The following CHN2 variants were observed in gnomAD, a reference collection of about 807,000 sequenced individuals.
CHN2 encodes beta-chimaerin.
In CHN2, 35 loss-of-function variants were observed where a neutral mutation model predicts 56.3. That is an observed-to-expected ratio of 0.62 (90% CI 0.47 to 0.82). The LOEUF is 0.82. CHN2 is among the 40% of genes least tolerant of loss of function. The probability of loss-of-function intolerance (pLI) is 0.00; values close to 1 mark genes in which losing one functional copy is unlikely to be tolerated. For synonymous variants in CHN2, 210 were observed against 212.8 expected (o/e 0.99, Z 0.12); for missense variants, 491 against 580.5 (o/e 0.85, Z 1.58).
chr7:29,355,038 G>T (rs1168182031), intron 2 of CHN2, among the ~76,000 whole-genome samples: 1 of 151,296 alleles, frequency 6.6e-6, no homozygotes, highest in African/African-American at 2.4e-5. Context: ...GCGCAATCTT[G>T]GCTCACCGCA....
chr7:29,446,526 G>C (rs562278676), intron 6 of CHN2, among the ~76,000 whole-genome samples: 2 of 152,306 alleles, frequency 1.3e-5, no homozygotes, highest in South Asian at 4.1e-4. Flanking sequence ...TGCCCTGAGA[G>C]AATGTCCAGG....
At chr7:29,381,558 A>AGAATG (rs1800505514) in intron 3 of CHN2, among the ~76,000 whole-genome samples, 1 of 152,038 alleles carries the variant, frequency 6.6e-6, no homozygotes, top group Non-Finnish European at 1.5e-5. Context: ...GCCCACTGTG[A>AGAATG]GAATGGATCA....
In CHN2 at chr7:29,401,406, G is replaced by GA. The variant is rs1282906303; in HGVS notation, c.576+588dup. On this transcript the variant is annotated intron_variant, in intron 6 of 12. Coordinates refer to ENST00000222792, the MANE Select transcript of CHN2 (RefSeq NM_004067.4). ...TTGTGGGTTTATTTGGAGTTTGAAA[G>GA]AAAAAAAAAACAAACCTCCATTAAT... 1,470 of 147,608 alleles carry GA rather than the reference G, an allele frequency of 1.0e-2. 22 individuals are homozygous for GA. Among genetic ancestry groups the GA allele is most frequent in the African/African-American group, 0.033 (1,340 of 40,352 alleles). 9.1% of individuals were successfully genotyped at this position (147,608 alleles called of 1,614,324 possible). A position where few individuals can be genotyped will look rare whatever the true frequency, so the allele number is the denominator to read the frequency against.
chr7:29,373,790 G>A (rs114719600), intron 3 of CHN2, among the ~76,000 whole-genome samples: 2,891 of 152,230 alleles, frequency 0.019, 97 homozygotes, highest in African/African-American at 0.065. Context: ...GATCTTAACA[G>A]GCCATATTGA....
Position 29,400,829 on chromosome 7 carries a change from G to A in CHN2, c.576+1G>A, listed in dbSNP as rs1272463398. 1 of 1,612,778 alleles carries A rather than the reference G, an allele frequency of 6.2e-7. No individual in the cohort carries two copies. On this transcript the variant is annotated splice_donor_variant, in intron 6 of 12. Transcript: ENST00000222792. LOFTEE classifies it high-confidence loss of function. ...TGAAGAACACACAGCGGTGGAAAAG[G>A]TGAGCTGTGTGTGATGGAAGCAGCC... is the stretch of plus-strand genomic sequence containing the variant.
chr7:29,235,857 G>C (rs1207568106), intron 1 of CHN2, among the ~76,000 whole-genome samples: 1 of 152,152 alleles, frequency 6.6e-6, no homozygotes, highest in Non-Finnish European at 1.5e-5. Flanking sequence ...ACACAAAGAA[G>C]GGAACAACAG....
intron 5 of CHN2, among the ~76,000 whole-genome samples, chr7:29,399,669 C>A (rs1032787058): frequency 2.6e-5 from 4 of 152,184 alleles, no homozygotes; most frequent in African/African-American, 9.6e-5. Context: ...TCCATGGAAG[C>A]CCTTCCCAGG....
At chr7:29,485,694 G>C (rs1266266211) in intron 7 of CHN2, among the ~76,000 whole-genome samples, 1 of 152,174 alleles carries the variant, frequency 6.6e-6, no homozygotes, top group Non-Finnish European at 1.5e-5. Flanking sequence ...AAGGTGCAGG[G>C]GAGAGACCTC....
intron 6 of CHN2, chr7:29,480,015 C>T: frequency 1.3e-6 from 2 of 1,506,254 alleles, no homozygotes; most frequent in Non-Finnish European, 1.8e-6. Context: ...TGCCTCAAAT[C>T]TGCCGCCTAA....
At chr7:29,242,200 T>C (rs1391680164) in intron 1 of CHN2, among the ~76,000 whole-genome samples, 1 of 152,200 alleles carries the variant, frequency 6.6e-6, no homozygotes, top group Non-Finnish European at 1.5e-5. Flanking sequence ...CTAGGCAGGC[T>C]GCCTCTAAAG....
intron 1 of CHN2, chr7:29,292,940 G>C (rs1379244819): frequency 2.2e-6 from 1 of 456,166 alleles, no homozygotes; most frequent in African/African-American, 2.0e-5. Flanking sequence ...TCTGAACCCA[G>C]AAGCCCGAGA....
chr7:29,311,724 T>C (rs10951215), intron 1 of CHN2, among the ~76,000 whole-genome samples: 16,095 of 152,286 alleles, frequency 0.11, 906 homozygotes, highest in East Asian at 0.21. Flanking sequence ...TCTGTATTTT[T>C]TTGGTGCCAA....
chr7:29,429,580 C>G (rs9690847), intron 6 of CHN2, among the ~76,000 whole-genome samples: 1 of 122,966 alleles, frequency 8.1e-6, no homozygotes, highest in African/African-American at 3.8e-5. Context: ...TACACACACA[C>G]AGACACACAC....
At chr7:29,237,911 T>C (rs1431286667) in intron 1 of CHN2, among the ~76,000 whole-genome samples, 1 of 152,078 alleles carries the variant, frequency 6.6e-6, no homozygotes, top group African/African-American at 2.4e-5. Context: ...AGCAGAACTA[T>C]CTTTCCTGCT....
chr7:29,370,342 C>G (rs1799509309), intron 3 of CHN2, among the ~76,000 whole-genome samples: 2 of 152,188 alleles, frequency 1.3e-5, no homozygotes, highest in Admixed American at 1.3e-4. Flanking sequence ...CTAATGAAGA[C>G]AGAAAGCCTT....
chr7:29,347,109 C>T (rs779919561), intron 1 of CHN2, among the ~76,000 whole-genome samples: 2 of 152,082 alleles, frequency 1.3e-5, no homozygotes, highest in Non-Finnish European at 2.9e-5. Flanking sequence ...AGTCTTAAGG[C>T]ATCAAAAATT....
chr7:29,503,002 A>ATT (rs886220488), intron 9 of CHN2, among the ~76,000 whole-genome samples: 4 of 152,004 alleles, frequency 2.6e-5, no homozygotes, highest in African/African-American at 9.7e-5. Context: ...AAAAGCATGG[A>ATT]TTTTTCTACG....
intron 3 of CHN2, among the ~76,000 whole-genome samples, chr7:29,381,918 G>A (rs1800544619): frequency 1.3e-5 from 2 of 151,832 alleles, no homozygotes; most frequent in South Asian, 2.1e-4. Context: ...TGGTCAGAGG[G>A]CTTGAGAAAG....
At chr7:29,379,661 C>T (rs1007526775) in intron 3 of CHN2, among the ~76,000 whole-genome samples, 8 of 152,062 alleles carry the variant, frequency 5.3e-5, no homozygotes, top group Non-Finnish European at 1.2e-4. Flanking sequence ...CATTATAAAA[C>T]GTCAAGAAGA....
Sources: gnomAD v4.1 joint callset for allele counts (sites outside exome capture counted in the v4.1 genomes callset) on GRCh38, gnomAD v4.1.1 for gene constraint, MANE v1.5 for transcripts, NCBI Gene and HGNC (gene_info 2026-07-23, HGNC 2026-07-21) for gene names.